The following TRPC6 variants were observed in gnomAD, a reference collection of about 807,000 sequenced individuals.
The protein encoded by TRPC6 is short transient receptor potential channel 6.
TRPC6 carries 55 observed loss-of-function variants against 90.7 expected under a neutral mutation model. The observed-to-expected ratio is 0.61, with a 90% CI of 0.49 to 0.76. The LOEUF (loss-of-function observed/expected upper bound fraction) is 0.76, where lower values mean the gene tolerates loss of function less well. TRPC6 is among the 30% of genes least tolerant of loss of function. The pLI is 0.00. For missense variants in TRPC6, 989 were observed against 1,122.7 expected (o/e 0.88, Z 1.70); for synonymous variants, 393 against 393.0 (o/e 1.00, Z 0.00).
chr11:101,583,520 T>C lies in TRPC6; in HGVS notation c.-17A>G. ...CTGGCTCATGGCGGGAACGCCCGAC[T>C]GGCCTGGGCCCCGCTCCCGGGGGAG... is the stretch of plus-strand genomic sequence containing the variant. On this transcript the variant is annotated 5_prime_UTR_variant, in exon 1 of 13. Coordinates refer to ENST00000344327, the MANE Select transcript of TRPC6 (RefSeq NM_004621.6). The C allele has an allele frequency of 6.9e-7, 1 of 1,444,684 alleles. No homozygotes were observed. The highest frequency in any genetic ancestry group is 9.1e-7 in the Non-Finnish European group (1 of 1,102,976). 89.5% of individuals were successfully genotyped at this position (1,444,684 alleles called of 1,614,324 possible).
Position 101,583,425 on chromosome 11 carries a change from C to A in TRPC6, c.79G>T (p.Glu27Ter). Reference sequence around the variant, plus strand: ...TCCATGAGCAGATAGTCCTGGCTCTCGTTGCGCCGCGCAGCGGCTCCGGCA... The same window carrying A: ...TCCATGAGCAGATAGTCCTGGCTCTAGTTGCGCCGCGCAGCGGCTCCGGCA... The part of the protein sequence containing the change: ...GAAGAAARRN[E>*]SQDYLLMDSE... The change falls in exon 1 of 13, where the codon GAG (glutamate) becomes TAG (stop). Residue 27 changes from glutamate to a stop codon, truncating the protein, a stop_gained. Coordinates refer to ENST00000344327, the MANE Select transcript of TRPC6 (RefSeq NM_004621.6). LOFTEE classifies it high-confidence loss of function. 1 of 1,560,290 alleles carries A rather than the reference C, an allele frequency of 6.4e-7. No homozygotes were observed. The highest frequency in any genetic ancestry group is 1.2e-5 in the South Asian group (1 of 84,854).
chr11:101,481,141 A>G (rs2136687473), intron 5 of TRPC6, among the ~76,000 whole-genome samples: 1 of 152,286 alleles, frequency 6.6e-6, no homozygotes, highest in East Asian at 1.9e-4. Flanking sequence ...TGATCATCTC[A>G]TCAAGCTCCA....
At chr11:101,491,331 G>A in intron 3 of TRPC6, 3 of 416,276 alleles carry the variant, frequency 7.2e-6, no homozygotes, top group Non-Finnish European at 1.3e-5. Context: ...CTACTTGGGA[G>A]GCTGAGGCAG....
rs533613920 is a variant in TRPC6, at chr11:101,567,218, G to A, written c.170+16116C>T. 9.2e-5 allele frequency among the ~76,000 whole-genome samples: 14 copies of A among 152,206 alleles called. No homozygotes were observed. In the East Asian group the frequency reaches 1.9e-3, roughly 21 times the overall value. On this transcript the variant is annotated intron_variant, in intron 1 of 12. Transcript: ENST00000344327. ...CGCTATTGCTGAGGCTTGAGGGGGC[G>A]GTTTTATCCTCACAGTATAAACAAA...
At chr11:101,573,029 G>A in intron 1 of TRPC6, among the ~76,000 whole-genome samples, 1 of 151,062 alleles carries the variant, frequency 6.6e-6, no homozygotes, top group East Asian at 1.9e-4. Flanking sequence ...CTCATCAAAT[G>A]ACCTAAGCTC....
chr11:101,564,090 C>T (rs1348533102), intron 1 of TRPC6, among the ~76,000 whole-genome samples: 1 of 151,682 alleles, frequency 6.6e-6, no homozygotes, highest in African/African-American at 2.4e-5. Flanking sequence ...AAAAGACTGA[C>T]ATCTTTAATA....
intron 1 of TRPC6, among the ~76,000 whole-genome samples, chr11:101,505,680 G>A (rs7927797): frequency 0.46 from 69,688 of 151,864 alleles, 16,379 homozygotes; most frequent in African/African-American, 0.55. Context: ...AGTGGTCAGA[G>A]CAGTGGCCAG....
At chr11:101,485,126 T>TACACACACACACACACAC (rs10639907) in intron 4 of TRPC6, among the ~76,000 whole-genome samples, 6,001 of 143,742 alleles carry the variant, frequency 0.042, 158 homozygotes, top group Non-Finnish European at 0.063. Context: ...GGCCAAAGAA[T>TACACACACACACACACAC]ACACACACAC....
chr11:101,545,574 C>T (rs912708567), intron 1 of TRPC6, among the ~76,000 whole-genome samples: 1 of 152,106 alleles, frequency 6.6e-6, no homozygotes, highest in Non-Finnish European at 1.5e-5. Context: ...ATTATTAGAT[C>T]GTCTGGGTCT....
At chr11:101,473,338 C>G (rs142707465) in intron 7 of TRPC6, among the ~76,000 whole-genome samples, 171 bp downstream of exon 7, 307 of 152,184 alleles carry the variant, frequency 2.0e-3, no homozygotes, top group African/African-American at 7.2e-3. Context: ...AGAAAGCTTC[C>G]TATATTTTAG....
chr11:101,575,672 A>T (rs1862055570), intron 1 of TRPC6, among the ~76,000 whole-genome samples: 1 of 152,188 alleles, frequency 6.6e-6, no homozygotes, highest in Admixed American at 6.5e-5. Flanking sequence ...TGAATGAATA[A>T]ATAGATTAAT....
intron 1 of TRPC6, among the ~76,000 whole-genome samples, chr11:101,511,263 C>T (rs1417392429): frequency 6.6e-6 from 1 of 152,110 alleles, no homozygotes; most frequent in East Asian, 1.9e-4. Context: ...AATCTCTGGG[C>T]ACATACCCTA....
chr11:101,458,335 TAGTC>T (rs1221533684), intron 10 of TRPC6, among the ~76,000 whole-genome samples: 5 of 152,146 alleles, frequency 3.3e-5, no homozygotes, highest in African/African-American at 7.2e-5. Flanking sequence ...GGGAATGAAA[TAGTC>T]AGTGATTCAC....
chr11:101,577,253 T>C (rs904462677), intron 1 of TRPC6, among the ~76,000 whole-genome samples: 1 of 151,050 alleles, frequency 6.6e-6, no homozygotes, highest in Non-Finnish European at 1.5e-5. Context: ...CCACTACATA[T>C]GTATAAGAAA....
chr11:101,562,828 GC>G (rs779581755), intron 1 of TRPC6, among the ~76,000 whole-genome samples: 23 of 152,302 alleles, frequency 1.5e-4, no homozygotes, highest in Non-Finnish European at 2.8e-4. Flanking sequence ...ACGTGACTTT[GC>G]AAAAGTTAGT....
At chr11:101,534,076 T>C (rs1860977072) in intron 1 of TRPC6, among the ~76,000 whole-genome samples, 1 of 152,150 alleles carries the variant, frequency 6.6e-6, no homozygotes, top group South Asian at 2.1e-4. Flanking sequence ...TTCTTATCCT[T>C]CCTCAATGAT....
In TRPC6 at chr11:101,579,448, C is replaced by T. The variant is rs137908365; in HGVS notation, c.170+3886G>A. Among the ~76,000 whole-genome samples the T allele has an allele frequency of 4.6e-5, 7 of 152,310 alleles. No homozygotes were observed. In the East Asian group the frequency reaches 1.4e-3, roughly 29 times the overall value. On this transcript the variant is annotated intron_variant, in intron 1 of 12. Coordinates refer to ENST00000344327, the MANE Select transcript of TRPC6 (RefSeq NM_004621.6). The stretch of plus-strand genomic sequence containing the variant: ...CATGGTCGATTGAGTCCATGGTCCA[C>T]TGACTCTCACTCTTGGTCGATTGTT...
At chr11:101,535,081 G>A (rs1481874170) in intron 1 of TRPC6, among the ~76,000 whole-genome samples, 1 of 151,968 alleles carries the variant, frequency 6.6e-6, no homozygotes, top group Admixed American at 6.6e-5. Context: ...ATCAAGAATC[G>A]CTTAAACCTG....
intron 1 of TRPC6, among the ~76,000 whole-genome samples, chr11:101,547,559 C>T (rs563686689): frequency 2.6e-5 from 4 of 152,298 alleles, no homozygotes; most frequent in East Asian, 3.9e-4. Context: ...CTATCAATTA[C>T]GTCAACCATG....
Sources: gnomAD v4.1 joint callset for allele counts (sites outside exome capture counted in the v4.1 genomes callset) on GRCh38, gnomAD v4.1.1 for gene constraint, MANE v1.5 for transcripts, NCBI Gene and HGNC (gene_info 2026-07-23, HGNC 2026-07-21) for gene names.